Variants in RGPD3 observed in about 807,000 individuals in gnomAD.
RGPD3 encodes RANBP2 like and GRIP domain containing 3.
Under a neutral mutation model 154.5 loss-of-function variants are expected in RGPD3, and 62 were observed. The observed-to-expected ratio is 0.40, with a 90% CI of 0.33 to 0.50. The LOEUF is 0.50. RGPD3 is among the 20% of genes least tolerant of loss of function. The pLI is 0.59. For synonymous variants in RGPD3, 308 were observed against 607.0 expected, an observed-to-expected ratio of 0.51 and a Z score of 7.24; for missense variants, 919 against 1,716.8, an observed-to-expected ratio of 0.54 and a Z score of 8.21.
At chr2:106,450,571 C>A (rs1678082751) in intron 6 of RGPD3, among the ~76,000 whole-genome samples, 1 of 132,520 alleles carries the variant, frequency 7.5e-6, no homozygotes, top group Admixed American at 8.0e-5. Flanking sequence ...CCTCCTGGGG[C>A]TTCCTGGTGG....
intron 20 of RGPD3, among the ~76,000 whole-genome samples, chr2:106,420,675 T>C (rs1309874627): frequency 1.3e-5 from 2 of 152,304 alleles, no homozygotes; most frequent in Non-Finnish European, 2.9e-5. Context: ...ATTCTGGACA[T>C]AATGAGTTAA....
chr2:106,405,071 C>G lies in RGPD3; in HGVS notation c.*148G>C. 2.2e-6 allele frequency: 2 copies of G among 899,506 alleles called. No homozygotes were observed. The highest frequency in any genetic ancestry group is 3.4e-6 in the Non-Finnish European group (2 of 585,216). The allele number at this position is 899,506 out of a possible 1,614,324, so 55.7% of individuals were successfully genotyped here. A position where few individuals can be genotyped will look rare whatever the true frequency, so the allele number is the denominator to read the frequency against. ...ATATGTAAATGCAAACATATACACA[C>G]TTTTTGACAAAAGAATGATGGTAAT... On this transcript the variant is annotated 3_prime_UTR_variant, in exon 23 of 23. Coordinates refer to ENST00000409886, the MANE Select transcript of RGPD3 (RefSeq NM_001144013.2).
chr2:106,412,700 A>G, intron 22 of RGPD3: 1 of 462,176 alleles, frequency 2.2e-6, no homozygotes, highest in South Asian at 1.6e-5. Flanking sequence ...GTCTTAAGCT[A>G]TTTGGGGTTG....
Position 106,424,089 on chromosome 2 carries a change from T to C in RGPD3, c.3878A>G (p.Asn1293Ser). 2 of 1,611,332 alleles carry C rather than the reference T, an allele frequency of 1.2e-6. No individual in the cohort carries two copies. Among genetic ancestry groups the C allele is most frequent in the Non-Finnish European group, 1.7e-6 (2 of 1,179,746 alleles). ...ACTCAAAGCAGATTTAAAACTGAAG[T>C]TAGATCCTGTTGTTGACTCATCAAA... The part of the protein sequence containing the change: ...FHFDESTTGS[N>S]FSFKSALSLS... The change falls in exon 20 of 23, where the codon AAC becomes AGC. Residue 1293 changes from asparagine to serine, a missense_variant. Asn to Ser is a conservative substitution (Grantham distance 46). Transcript: ENST00000409886.
chr2:106,467,469 C>T (rs1271664101), intron 1 of RGPD3, among the ~76,000 whole-genome samples: 5 of 40,034 alleles, frequency 1.2e-4, no homozygotes, highest in African/African-American at 1.9e-4. Context: ...ACAGAGCGCG[C>T]CAGGGAGCAG....
upstream of RGPD3, among the ~76,000 whole-genome samples, chr2:106,470,188 T>C (rs1423199712): frequency 2.6e-5 from 4 of 152,204 alleles, no homozygotes; most frequent in African/African-American, 9.6e-5. Flanking sequence ...CCAAACCCTA[T>C]CCTGCCTCAC....
rs1012837483 is a variant in RGPD3, at chr2:106,468,130, G to C, written c.72+87C>G. The C allele has an allele frequency of 1.0e-5, 15 of 1,494,028 alleles. No individual in the cohort carries two copies. In the Admixed American group the frequency reaches 2.3e-4, roughly 23 times the overall value. The allele number at this position is 1,494,028 out of a possible 1,614,324, so 92.5% of individuals were successfully genotyped here. On this transcript the variant is annotated intron_variant, in intron 1 of 22. Transcript: ENST00000409886. ...AGCAGCGCTCGTCGGGAGCCATGAC[G>C]CCTGAGCCATCGAGGCCGCCGCCGG...
intron 22 of RGPD3, among the ~76,000 whole-genome samples, chr2:106,412,320 T>TGTTTTTTTTTTG (rs1676698857): frequency 9.1e-6 from 1 of 109,684 alleles, no homozygotes; most frequent in Non-Finnish European, 1.8e-5. Context: ...TTTTTTTTTT[T>TGTTTTTTTTTTG]TTTTTTTTTT....
At chr2:106,437,984 T>A (rs1439780340) in intron 9 of RGPD3, among the ~76,000 whole-genome samples, 1 of 152,244 alleles carries the variant, frequency 6.6e-6, no homozygotes, top group Admixed American at 6.5e-5. Flanking sequence ...CAGGCTGTAG[T>A]GCAGCAGTGT....
chr2:106,426,123 TAA>T, intron 18 of RGPD3, 35 bp from the exon 19 acceptor site: 1 of 1,593,752 alleles, frequency 6.3e-7, no homozygotes, highest in Admixed American at 1.7e-5. Flanking sequence ...AAAACACTGT[TAA>T]AGTCTATACT....
intron 1 of RGPD3, among the ~76,000 whole-genome samples, chr2:106,464,086 C>T (rs1393535818): frequency 1.3e-5 from 2 of 152,190 alleles, no homozygotes; most frequent in Non-Finnish European, 2.9e-5. Context: ...TGGCTCACGC[C>T]TGTAATCCCG....
intron 22 of RGPD3, among the ~76,000 whole-genome samples, chr2:106,409,755 C>T (rs1676612580): frequency 6.6e-6 from 1 of 150,866 alleles, no homozygotes; most frequent in East Asian, 2.0e-4. Flanking sequence ...GTATTCTTGT[C>T]TCTCCTTTTA....
chr2:106,415,700 C>CAAAAAAAA (rs1676807695), intron 21 of RGPD3, 150 bp downstream of exon 21: 1 of 446,310 alleles, frequency 2.2e-6, no homozygotes, highest in African/African-American at 2.9e-5. Flanking sequence ...AAAAAAAAGG[C>CAAAAAAAA]AATATTTCTC....
chr2:106,463,348 C>G (rs1678461008), intron 1 of RGPD3, among the ~76,000 whole-genome samples: 1 of 152,264 alleles, frequency 6.6e-6, no homozygotes, highest in African/African-American at 2.4e-5. Flanking sequence ...TGGTGGCGCA[C>G]ACCTGTAATC....
chr2:106,442,497 G>A (rs200197151), intron 7 of RGPD3, among the ~76,000 whole-genome samples: 38 of 99,146 alleles, frequency 3.8e-4, no homozygotes, highest in Admixed American at 8.0e-4. Context: ...AATAACCTAT[G>A]AAAAAAAAAA....
intron 7 of RGPD3, among the ~76,000 whole-genome samples, chr2:106,446,875 G>C (rs1573285928): frequency 6.7e-6 from 1 of 150,260 alleles, no homozygotes; most frequent in African/African-American, 2.4e-5. Flanking sequence ...AGAGAGACTT[G>C]GTCTCAAAAA....
At chr2:106,450,863 G>A (rs1422635615) in intron 6 of RGPD3, among the ~76,000 whole-genome samples, 1 of 93,990 alleles carries the variant, frequency 1.1e-5, no homozygotes, top group Non-Finnish European at 2.1e-5. Context: ...CCAACCTGGC[G>A]AGAGCAAGAC....
intron 7 of RGPD3, among the ~76,000 whole-genome samples, chr2:106,441,912 G>A (rs1276529716): frequency 7.7e-6 from 1 of 130,452 alleles, no homozygotes; most frequent in Non-Finnish European, 1.6e-5. Context: ...CAGACATGTT[G>A]GCTCACACCT....
chr2:106,420,639 T>G (rs1353752270), intron 20 of RGPD3, among the ~76,000 whole-genome samples: 2 of 152,296 alleles, frequency 1.3e-5, no homozygotes, highest in Non-Finnish European at 2.9e-5. Flanking sequence ...TCATTAATTT[T>G]TATATTAATT....
Sources: allele counts gnomAD v4.1 joint callset (sites outside exome capture counted in the v4.1 genomes callset), GRCh38; gene constraint gnomAD v4.1.1; transcripts MANE v1.5; gene names NCBI Gene and HGNC (gene_info 2026-07-23, HGNC 2026-07-21).